Variants in ATP8B4 observed in about 807,000 individuals in gnomAD.
ATP8B4 encodes the protein ATPase phospholipid transporting 8B4 (putative).
A neutral mutation model predicts 145.6 loss-of-function variants in ATP8B4; 133 were observed. The ratio of observed to expected loss-of-function variants is 0.91; its 90% confidence interval spans 0.79 to 1.05. The LOEUF (loss-of-function observed/expected upper bound fraction) is 1.05, where lower values mean the gene tolerates loss of function less well. Among genes scored for constraint, ATP8B4 ranks in the 50% least tolerant of loss-of-function variants. The pLI, the probability that ATP8B4 is intolerant of heterozygous loss-of-function variation, is 0.00. For synonymous variants in ATP8B4, 507 were observed against 492.9 expected, an observed-to-expected ratio of 1.03 and a Z score of -0.38; for missense variants, 1,458 against 1,425.2, an observed-to-expected ratio of 1.02 and a Z score of -0.37.
intron 26 of ATP8B4, among the ~76,000 whole-genome samples, chr15:49,863,574 C>T (rs905949023): frequency 2.0e-5 from 3 of 152,148 alleles, no homozygotes; most frequent in Non-Finnish European, 2.9e-5. Context: ...CATTCAAATG[C>T]GCTTTGGGTA....
chr15:49,947,802 G>C (rs774800709), intron 14 of ATP8B4, among the ~76,000 whole-genome samples: 1 of 151,926 alleles, frequency 6.6e-6, no homozygotes, highest in Non-Finnish European at 1.5e-5. Context: ...ATAGAATAGA[G>C]AACACAGAAA....
At chr15:50,062,698 A>G (rs898544412) in intron 3 of ATP8B4, among the ~76,000 whole-genome samples, 1 of 152,216 alleles carries the variant, frequency 6.6e-6, no homozygotes, top group Non-Finnish European at 1.5e-5. Flanking sequence ...AAAGATAGGC[A>G]TTAGCACAAA....
chr15:50,004,945 T>C (rs1360442070), intron 7 of ATP8B4, among the ~76,000 whole-genome samples: 1 of 152,128 alleles, frequency 6.6e-6, no homozygotes, highest in Non-Finnish European at 1.5e-5. Context: ...GGTTGGTAGT[T>C]GAGGAAGGGC....
At chr15:49,889,187 T>C (rs2036531047) in intron 23 of ATP8B4, among the ~76,000 whole-genome samples, 1 of 151,406 alleles carries the variant, frequency 6.6e-6, no homozygotes, top group Non-Finnish European at 1.5e-5. Flanking sequence ...TCAGGTAGAG[T>C]AGGCAGAGCG....
At chr15:50,109,742 T>A (rs1227505506) in intron 1 of ATP8B4, among the ~76,000 whole-genome samples, 2 of 152,032 alleles carry the variant, frequency 1.3e-5, no homozygotes, top group East Asian at 3.9e-4. Context: ...CTTGGCAGCT[T>A]ATCCTTTCTT....
intron 16 of ATP8B4, among the ~76,000 whole-genome samples, chr15:49,930,881 C>T (rs1264554536): frequency 1.7e-4 from 26 of 151,968 alleles, no homozygotes; most frequent in African/African-American, 5.8e-4. Flanking sequence ...TTTATTGATA[C>T]ATTGTACATA....
intron 6 of ATP8B4, among the ~76,000 whole-genome samples, chr15:50,014,758 C>T (rs1056699177): frequency 1.3e-5 from 2 of 152,256 alleles, no homozygotes; most frequent in South Asian, 2.1e-4. Context: ...TATCTTATCT[C>T]ATTTAATCCT....
intron 1 of ATP8B4, among the ~76,000 whole-genome samples, chr15:50,141,818 A>C (rs1416447750): frequency 2.0e-5 from 3 of 152,220 alleles, no homozygotes; most frequent in African/African-American, 7.2e-5. Flanking sequence ...TTCCTCAACC[A>C]CACTAGCTGG....
chr15:49,978,942 GTT>G (rs1392373874), intron 12 of ATP8B4, among the ~76,000 whole-genome samples: 5 of 151,990 alleles, frequency 3.3e-5, no homozygotes, highest in African/African-American at 1.2e-4. Flanking sequence ...TGTAGTAGAA[GTT>G]ATAAATCATA....
chr15:50,049,677 T>C (rs1381566310), intron 3 of ATP8B4, among the ~76,000 whole-genome samples: 1 of 152,166 alleles, frequency 6.6e-6, no homozygotes, highest in Non-Finnish European at 1.5e-5. Flanking sequence ...AGTAATTGGA[T>C]TGCTGGGTCA....
chr15:50,178,960 TAAGAA>T (rs2044804573), intron 1 of ATP8B4, among the ~76,000 whole-genome samples: 1 of 152,100 alleles, frequency 6.6e-6, no homozygotes, highest in African/African-American at 2.4e-5. Context: ...AACACGGGAC[TAAGAA>T]ATTCAGGAAT....
rs370971319 is a variant in ATP8B4, at chr15:50,060,783, T to C, written c.88-13319A>G. Among the ~76,000 whole-genome samples the C allele has an allele frequency of 2.1e-4, 32 of 152,098 alleles. 1 individual carries two copies. Among genetic ancestry groups the C allele is most frequent in the African/African-American group, 7.5e-4 (31 of 41,412 alleles). ...TAAAATGCAGTGATACACCTGGAGTTTTGTGGTGGGGCCCGAGAGTCTGCA... is the reference window on the plus strand; with the variant it reads ...TAAAATGCAGTGATACACCTGGAGTCTTGTGGTGGGGCCCGAGAGTCTGCA... On this transcript the variant is annotated intron_variant, in intron 3 of 27. Transcript: ENST00000284509.
chr15:50,051,290 T>C (rs2052168651), intron 3 of ATP8B4, among the ~76,000 whole-genome samples: 1 of 152,182 alleles, frequency 6.6e-6, no homozygotes, highest in African/African-American at 2.4e-5. Flanking sequence ...TAAGATTCCT[T>C]AGGCCTCCCC....
At chr15:49,862,522 T>C in intron 26 of ATP8B4, 147 bp from the exon 27 acceptor site, 1 of 929,956 alleles carries the variant, frequency 1.1e-6, no homozygotes, top group Non-Finnish European at 1.5e-6. Context: ...AGTGGTGCGA[T>C]CTCAGCTCAC....
intron 5 of ATP8B4, among the ~76,000 whole-genome samples, chr15:50,043,858 C>G (rs574558863): frequency 6.7e-6 from 1 of 149,720 alleles, no homozygotes; most frequent in South Asian, 2.1e-4. Flanking sequence ...GAGGCTGAGG[C>G]AGGAGAATGG....
chr15:50,076,532 A>G (rs76978173), intron 2 of ATP8B4, among the ~76,000 whole-genome samples: 2,029 of 152,176 alleles, frequency 0.013, 49 homozygotes, highest in African/African-American at 0.047. Flanking sequence ...CATCCTGTCC[A>G]GCATCTCCAT....
At chr15:49,962,770 A>C (rs1459723378) in intron 13 of ATP8B4, among the ~76,000 whole-genome samples, 1 of 152,180 alleles carries the variant, frequency 6.6e-6, no homozygotes, top group Non-Finnish European at 1.5e-5. Context: ...AATTTCTCCT[A>C]TCAAATTGTT....
At chr15:50,040,033 T>C (rs2051150356) in intron 5 of ATP8B4, among the ~76,000 whole-genome samples, 1 of 152,168 alleles carries the variant, frequency 6.6e-6, no homozygotes, top group Non-Finnish European at 1.5e-5. Flanking sequence ...AATGGAAACA[T>C]TATTTGATCT....
chr15:50,104,033 G>T (rs2056529934), intron 2 of ATP8B4, among the ~76,000 whole-genome samples: 1 of 151,916 alleles, frequency 6.6e-6, no homozygotes, highest in African/African-American at 2.4e-5. Context: ...AGCCACATGT[G>T]GAAGAATGAA....
Sources: gnomAD v4.1 joint callset for allele counts (sites outside exome capture counted in the v4.1 genomes callset) on GRCh38, gnomAD v4.1.1 for gene constraint, MANE v1.5 for transcripts, NCBI Gene and HGNC (gene_info 2026-07-23, HGNC 2026-07-21) for gene names.